The following IPO7 variants were observed in gnomAD, a reference collection of about 807,000 sequenced individuals.
IPO7 encodes the protein importin 7, also known as importin-7.
IPO7 carries 13 observed loss-of-function variants against 136.4 expected under a neutral mutation model. That is an observed-to-expected ratio of 0.10 (90% CI 0.06 to 0.15). The LOEUF is 0.15. IPO7 is among the 10% of genes least tolerant of loss of function. The pLI is 1.00. For synonymous variants in IPO7, 403 were observed against 404.4 expected (o/e 1.00, Z 0.04); for missense variants, 857 against 1,240.6 (o/e 0.69, Z 4.65).
intron 2 of IPO7, 80 bp downstream of exon 2, chr11:9,403,451 A>G: frequency 8.6e-7 from 1 of 1,160,868 alleles, no homozygotes; most frequent in South Asian, 1.4e-5. Context: ...GTGTCTTGGG[A>G]TGGCCCTTTG....
intron 16 of IPO7, 32 bp downstream of exon 16, chr11:9,431,035 A>C: frequency 6.3e-7 from 1 of 1,598,112 alleles, no homozygotes; most frequent in Non-Finnish European, 8.6e-7. Flanking sequence ...GCAGTTTTTC[A>C]AGCCATTTTA....
chr11:9,403,478 A>G (rs995512553), intron 2 of IPO7, 107 bp downstream of exon 2: 2 of 774,670 alleles, frequency 2.6e-6, no homozygotes, highest in Non-Finnish European at 2.1e-6. Flanking sequence ...TTTTCCCCCC[A>G]GGTAATTTGT....
intron 22 of IPO7, 42 bp downstream of exon 22, chr11:9,438,327 A>G (rs1444203573): frequency 1.6e-6 from 2 of 1,265,440 alleles, no homozygotes; most frequent in South Asian, 1.2e-5. Flanking sequence ...TTATCTACTT[A>G]GAAATATTAC....
rs867839329 is a variant in IPO7 at position 9,447,381 on chromosome 11, G to T, written c.*2187G>T. The T allele has an allele frequency of 2.0e-5, 3 of 152,042 alleles. No individual in the cohort carries two copies. The highest frequency in any genetic ancestry group is 4.4e-5 in the Non-Finnish European group (3 of 68,000). 9.4% of individuals were successfully genotyped at this position (152,042 alleles called of 1,614,324 possible). A position where few individuals can be genotyped will look rare whatever the true frequency, so the allele number is the denominator to read the frequency against. On this transcript the variant is annotated 3_prime_UTR_variant, in exon 25 of 25. Transcript: ENST00000379719. ...GTTTACAGACTTTAACTTGAAATTA[G>T]ACCTTATAATTAAACTATTTAAATA...
At chr11:9,438,353 G>C in intron 22 of IPO7, 68 bp downstream of exon 22, 12 of 1,015,030 alleles carry the variant, frequency 1.2e-5, no homozygotes, top group Non-Finnish European at 1.5e-5. Context: ...TGGGCCGGGC[G>C]CAGTGGCTCA....
chr11:9,444,294 C>A (rs867589107), intron 24 of IPO7, among the ~76,000 whole-genome samples: 8 of 105,278 alleles, frequency 7.6e-5, no homozygotes, highest in African/African-American at 2.2e-4. Context: ...AAAAAATAAA[C>A]AAAAGTACAT....
intron 22 of IPO7, among the ~76,000 whole-genome samples, chr11:9,439,477 A>C (rs1045253236): frequency 2.0e-5 from 3 of 152,138 alleles, no homozygotes; most frequent in African/African-American, 7.2e-5. Flanking sequence ...TTGACGCTTA[A>C]ATAGTGCTTG....
Position 9,390,795 on chromosome 11 carries a change from A to G in IPO7, c.84+5948A>G, listed in dbSNP as rs572531494. 1.1e-4 allele frequency among the ~76,000 whole-genome samples: 7 copies of G among 63,240 alleles called. No homozygotes were observed. In the South Asian group the frequency reaches 3.9e-3, roughly 35 times the overall value. The allele number at this position is 63,240 out of a possible 152,430, so 41.5% of individuals were successfully genotyped here. ...AAAAAAAATTTTTTTTTTTAGCCAG[A>G]GCCTCGCTCTGTCACCCAGGCTGGA... is the stretch of plus-strand genomic sequence containing the variant. On this transcript the variant is annotated intron_variant, in intron 1 of 24. Coordinates refer to ENST00000379719, the MANE Select transcript of IPO7 (RefSeq NM_006391.3).
At chr11:9,428,756 T>A in intron 13 of IPO7, 127 bp downstream of exon 13, 1 of 796,010 alleles carries the variant, frequency 1.3e-6, no homozygotes, top group Non-Finnish European at 2.3e-6. Flanking sequence ...CTGTTTAATG[T>A]AAATCTTTAC....
chr11:9,388,111 C>T (rs1296122491), intron 1 of IPO7, among the ~76,000 whole-genome samples: 4 of 151,874 alleles, frequency 2.6e-5, no homozygotes, highest in Non-Finnish European at 5.9e-5. Flanking sequence ...CGTACCATTG[C>T]ACTCCAGCCT....
chr11:9,421,772 ATT>A (rs1487612671), intron 8 of IPO7, among the ~76,000 whole-genome samples: 2 of 148,134 alleles, frequency 1.4e-5, no homozygotes, highest in East Asian at 4.1e-4. Context: ...GTGAAACCCC[ATT>A]TCTACTAAAA....
chr11:9,424,865 T>C (rs771043773), intron 10 of IPO7, 49 bp from the exon 11 acceptor site: 1 of 1,131,882 alleles, frequency 8.8e-7, no homozygotes, highest in Non-Finnish European at 1.3e-6. Context: ...TTTAATGCTT[T>C]GTTGAAGAAA....
At chr11:9,403,963 GC>G (rs1436291795) in intron 2 of IPO7, among the ~76,000 whole-genome samples, 5 of 152,258 alleles carry the variant, frequency 3.3e-5, no homozygotes, top group African/African-American at 1.2e-4. Context: ...CCAGGTTCAA[GC>G]GATTCTTCTG....
At chr11:9,409,254 G>A (rs950291260) in intron 3 of IPO7, among the ~76,000 whole-genome samples, 4 of 151,898 alleles carry the variant, frequency 2.6e-5, no homozygotes, top group African/African-American at 9.7e-5. Context: ...GATTACAGGC[G>A]TGCACCAGCA....
intron 6 of IPO7, among the ~76,000 whole-genome samples, chr11:9,419,545 T>TA (rs1178586532): frequency 0.17 from 15,099 of 91,266 alleles, 1,753 homozygotes; most frequent in Middle Eastern, 0.22. Flanking sequence ...AGACTCTGTC[T>TA]AAAAAAAAAA....
intron 8 of IPO7, among the ~76,000 whole-genome samples, chr11:9,422,097 T>C (rs1855140709): frequency 6.6e-6 from 1 of 151,906 alleles, no homozygotes; most frequent in African/African-American, 2.4e-5. Flanking sequence ...CTGACCAACA[T>C]GGAGAAATCC....
At chr11:9,440,371 C>A in intron 22 of IPO7, 84 bp from the exon 23 acceptor site, 2 of 1,062,730 alleles carry the variant, frequency 1.9e-6, no homozygotes, top group Admixed American at 1.8e-5. Context: ...TTGTAATTTA[C>A]TGACAGTGAT....
chr11:9,396,071 T>A (rs140953948), intron 1 of IPO7, among the ~76,000 whole-genome samples: 229 of 152,154 alleles, frequency 1.5e-3, no homozygotes, highest in African/African-American at 5.3e-3. Context: ...TTTATACTTA[T>A]ATGTTTTTGA....
Position 9,414,312 on chromosome 11 carries a change from A to C in IPO7, c.537A>C (p.Pro179=). The C allele has an allele frequency of 6.2e-7, 1 of 1,613,612 alleles. No homozygotes were observed. The highest frequency in any genetic ancestry group is 8.5e-7 in the Non-Finnish European group (1 of 1,179,688). ...PLVAAMQHFL[P]VLKDRFIQLL... ...TAGCAGCAATGCAGCATTTTCTGCC[A>C]GTTCTAAAGGATCGTTTTATCCAGC... Residue 179 remains proline, a synonymous_variant, in exon 5 of 25, where the codon CCA becomes CCC. Transcript: ENST00000379719.
Sources: gnomAD v4.1 joint callset for allele counts (sites outside exome capture counted in the v4.1 genomes callset) on GRCh38, gnomAD v4.1.1 for gene constraint, MANE v1.5 for transcripts, NCBI Gene and HGNC (gene_info 2026-07-23, HGNC 2026-07-21) for gene names.